JAK1: variants seen among roughly 807,000 people sequenced by gnomAD.
The protein encoded by JAK1 is tyrosine-protein kinase JAK1.
JAK1 carries 16 observed loss-of-function variants against 136.6 expected under a neutral mutation model. The ratio of observed to expected loss-of-function variants is 0.12; its 90% CI spans 0.08 to 0.18. The LOEUF is 0.18. Ranked by LOEUF, JAK1 falls within the 10% of genes least tolerant of loss-of-function variation. The pLI is 1.00. For missense variants in JAK1, 859 were observed against 1,450.1 expected (o/e 0.59, Z 6.62); for synonymous variants, 492 against 519.5 (o/e 0.95, Z 0.72).
chr1:64,910,785 A>G (rs1308231791), intron 1 of JAK1, among the ~76,000 whole-genome samples: 1 of 149,518 alleles, frequency 6.7e-6, no homozygotes, highest in African/African-American at 2.5e-5. Flanking sequence ...CAGAGGTTGC[A>G]CTGAGTCGAG....
chr1:65,036,029 C>G (rs1022556971), intron 2 of JAK1, among the ~76,000 whole-genome samples: 3 of 152,080 alleles, frequency 2.0e-5, no homozygotes, highest in African/African-American at 7.2e-5. Context: ...GATTGTGCCA[C>G]TGTACTCCAG....
chr1:64,977,105 G>A lies in JAK1; in HGVS notation c.-78+67375C>T, dbSNP rs552824752. 4.7e-4 allele frequency among the ~76,000 whole-genome samples: 71 copies of A among 151,958 alleles called. 2 individuals carry two copies. The highest frequency in any genetic ancestry group is 3.4e-3 in the Middle Eastern group (1 of 294). On this transcript the variant is annotated intron_variant, in intron 2 of 25. Coordinates refer to the JAK1 transcript ENST00000671954. ...ACAGATACATAGAAACTTATAACATGTACTTTCTATATTGTCCTCACAACA... is the reference window on the plus strand; with the variant it reads ...ACAGATACATAGAAACTTATAACATATACTTTCTATATTGTCCTCACAACA...
At chr1:64,885,579 CCT>C (rs1257224776) in intron 2 of JAK1, among the ~76,000 whole-genome samples, 2 of 151,978 alleles carry the variant, frequency 1.3e-5, no homozygotes, top group East Asian at 1.9e-4. Context: ...TGGTGAAACC[CCT>C]GTCTCCACTA....
At chr1:64,901,075 C>A (rs1645098234) in intron 1 of JAK1, among the ~76,000 whole-genome samples, 1 of 152,210 alleles carries the variant, frequency 6.6e-6, no homozygotes, top group Non-Finnish European at 1.5e-5. Flanking sequence ...TCTGTCTTCG[C>A]TGTCTTTGAG....
chr1:64,902,583 A>AGAGAGAGAGAGAGTGTGTGTGT, intron 1 of JAK1, among the ~76,000 whole-genome samples: 161 of 73,786 alleles, frequency 2.2e-3, no homozygotes, highest in African/African-American at 5.0e-3. Context: ...AGAGAGAGAG[A>AGAGAGAGAGAGAGTGTGTGTGT]GTGTGTGTGT....
At chr1:64,930,709 T>C (rs962516220) in intron 1 of JAK1, among the ~76,000 whole-genome samples, 3 of 152,214 alleles carry the variant, frequency 2.0e-5, no homozygotes, top group Admixed American at 6.5e-5. Context: ...ATATGTTTAT[T>C]GCAGCACTGT....
chr1:65,030,476 T>C (rs1647013131), intron 2 of JAK1, among the ~76,000 whole-genome samples: 1 of 152,040 alleles, frequency 6.6e-6, no homozygotes, highest in Admixed American at 6.6e-5. Context: ...ATGCTAAAAC[T>C]AGTGGGTGAG....
chr1:64,839,419 TCA>T (rs10539130), intron 20 of JAK1, 182 bp downstream of exon 20: 331,061 of 529,528 alleles, frequency 0.63, 104,507 homozygotes, highest in Non-Finnish European at 0.65. Flanking sequence ...GGTGGCCTCC[TCA>T]GGAGCCCTGC....
intron 1 of JAK1, among the ~76,000 whole-genome samples, chr1:65,059,898 TCAG>T (rs1410543433): frequency 1.3e-5 from 2 of 152,286 alleles, no homozygotes; most frequent in African/African-American, 2.4e-5. Context: ...ATTCTTTAGA[TCAG>T]CAGAAGTCAG....
intron 12 of JAK1, among the ~76,000 whole-genome samples, chr1:64,850,118 C>T (rs1655493602): frequency 6.6e-6 from 1 of 152,174 alleles, no homozygotes; most frequent in South Asian, 2.1e-4. Context: ...TTGCTTCTCT[C>T]CAAGGCTGCC....
chr1:64,985,936 G>T, intron 2 of JAK1: 1 of 887,806 alleles, frequency 1.1e-6, no homozygotes, highest in East Asian at 2.9e-5. Context: ...ATCTCAGAGG[G>T]AGGGGTATTT....
chr1:64,925,414 C>T (rs1266868255), intron 1 of JAK1, among the ~76,000 whole-genome samples: 1 of 151,826 alleles, frequency 6.6e-6, no homozygotes, highest in Non-Finnish European at 1.5e-5. Context: ...AAAATTTTTG[C>T]TCTAAACCTA....
intron 1 of JAK1, among the ~76,000 whole-genome samples, chr1:65,047,839 T>C (rs528645): frequency 0.076 from 11,539 of 152,036 alleles, 702 homozygotes; most frequent in East Asian, 0.32. Flanking sequence ...CAAGTGTTAA[T>C]GCTATGAACA....
At chr1:64,847,380 A>G (rs1295577998) in intron 13 of JAK1, 152 bp downstream of exon 13, 6 of 832,406 alleles carry the variant, frequency 7.2e-6, no homozygotes, top group Non-Finnish European at 7.8e-6. Flanking sequence ...AGGGTCCACT[A>G]AGATCATATG....
At chr1:65,050,847 G>T (rs886624326) in intron 1 of JAK1, among the ~76,000 whole-genome samples, 1 of 152,262 alleles carries the variant, frequency 6.6e-6, no homozygotes, top group African/African-American at 2.4e-5. Context: ...CTTCATCACT[G>T]ACTAGCTGTG....
chr1:64,988,485 T>C (rs1351511865), intron 2 of JAK1, among the ~76,000 whole-genome samples: 1 of 152,012 alleles, frequency 6.6e-6, no homozygotes, highest in Non-Finnish European at 1.5e-5. Flanking sequence ...GTCCCCCCCA[T>C]AGAAACTCAA....
chr1:64,984,786 T>A lies in JAK1; in HGVS notation c.-78+59694A>T, dbSNP rs941061373. On this transcript the variant is annotated intron_variant, in intron 2 of 25. Transcript: ENST00000671954. The surrounding 1 kb of genome is among the most constrained non-coding windows in gnomAD (Gnocchi z 4.1). ...AAAGATCAAGAAGGTAATGAGGAAGTCGGTGAAGATAATAAAAACGTAGGC... is the reference window on the plus strand; with the variant it reads ...AAAGATCAAGAAGGTAATGAGGAAGACGGTGAAGATAATAAAAACGTAGGC... The A allele has an allele frequency of 8.8e-6, 9 of 1,024,338 alleles. No homozygotes were observed. Among genetic ancestry groups the A allele is most frequent in the Non-Finnish European group, 1.2e-5 (8 of 676,498 alleles). The allele number at this position is 1,024,338 out of a possible 1,614,324, so 63.5% of individuals were successfully genotyped here. A position where few individuals can be genotyped will look rare whatever the true frequency, so the allele number is the denominator to read the frequency against.
intron 2 of JAK1, among the ~76,000 whole-genome samples, chr1:65,012,433 T>C (rs1206794816): frequency 6.6e-6 from 1 of 152,100 alleles, no homozygotes; most frequent in Non-Finnish European, 1.5e-5. Flanking sequence ...CTAAGAATGT[T>C]AGATTGAAGA....
chr1:65,018,486 G>A (rs200614114), intron 2 of JAK1, among the ~76,000 whole-genome samples: 71 of 97,356 alleles, frequency 7.3e-4, no homozygotes, highest in African/African-American at 3.6e-3. Context: ...GAGAGAGAGA[G>A]AACACACACA....
Sources: allele counts gnomAD v4.1 joint callset (sites outside exome capture counted in the v4.1 genomes callset), GRCh38; gene constraint gnomAD v4.1.1; non-coding constraint Gnocchi (gnomAD v3.1); transcripts MANE v1.5; gene names NCBI Gene and HGNC (gene_info 2026-07-23, HGNC 2026-07-21).